The following DLG2 variants were observed in gnomAD, a reference collection of about 807,000 sequenced individuals.
DLG2 encodes the protein disks large homolog 2.
DLG2 carries 45 observed loss-of-function variants against 132.5 expected under a neutral mutation model. The observed-to-expected ratio is 0.34, with a 90% CI of 0.27 to 0.44. DLG2 has a LOEUF of 0.44. Ranked by LOEUF, DLG2 falls within the 20% of genes least tolerant of loss-of-function variation. The pLI is 1.00. For synonymous variants in DLG2, 424 were observed against 419.6 expected (o/e 1.01, Z -0.13); for missense variants, 1,045 against 1,196.9 (o/e 0.87, Z 1.87).
At chr11:85,261,772 C>A (rs2076954636) in intron 4 of DLG2, among the ~76,000 whole-genome samples, 1 of 152,080 alleles carries the variant, frequency 6.6e-6, no homozygotes. Flanking sequence ...AAAATGGGAT[C>A]ATAAGTGGCC....
At chr11:85,277,665 A>G (rs2152746969) in intron 4 of DLG2, among the ~76,000 whole-genome samples, 1 of 152,262 alleles carries the variant, frequency 6.6e-6, no homozygotes, top group Middle Eastern at 3.4e-3. Context: ...TTTTGCAAGC[A>G]GGATTTTTCT....
Position 83,462,072 on chromosome 11 carries a change from T to C in DLG2, c.2751A>G (p.Thr917=). The C allele has an allele frequency of 6.2e-7, 1 of 1,611,946 alleles. No individual in the cohort carries two copies. Among genetic ancestry groups the C allele is most frequent in the Non-Finnish European group, 8.5e-7 (1 of 1,178,018 alleles). Residue 917 remains threonine (T), a synonymous_variant, in exon 27 of 28, where the codon ACA becomes ACG. Transcript: ENST00000376104. The stretch of plus-strand genomic sequence containing the variant: ...CATAGGTTTTCTTGGCTTGTTCCTC[T>C]GTTAGACGCTTATTCATCTCCCTGG... ...EPLMEMNKRL[T]EEQAKKTYDR...
chr11:84,293,612 T>C (rs903358586), intron 7 of DLG2, among the ~76,000 whole-genome samples: 1 of 152,128 alleles, frequency 6.6e-6, no homozygotes, highest in African/African-American at 2.4e-5. Flanking sequence ...ATGCGGAGGT[T>C]GCAGTGAGCC....
At chr11:84,251,862 T>A (rs188310827) in intron 7 of DLG2, among the ~76,000 whole-genome samples, 17 of 151,836 alleles carry the variant, frequency 1.1e-4, no homozygotes, top group African/African-American at 3.9e-4. Flanking sequence ...ATGGTCTTGA[T>A]CTCCTGACCT....
chr11:84,164,713 G>A (rs2095622428), intron 8 of DLG2, among the ~76,000 whole-genome samples: 1 of 152,192 alleles, frequency 6.6e-6, no homozygotes, highest in Non-Finnish European at 1.5e-5. Context: ...ATCACCTAAA[G>A]GTGTAATTAT....
chr11:84,142,205 G>A (rs1297969500), intron 9 of DLG2, among the ~76,000 whole-genome samples: 2 of 151,708 alleles, frequency 1.3e-5, no homozygotes, highest in African/African-American at 4.8e-5. Context: ...GGGAGGCTGA[G>A]GCAGGAGAAT....
intron 6 of DLG2, among the ~76,000 whole-genome samples, chr11:84,821,347 G>C (rs921043686): frequency 2.0e-5 from 3 of 151,668 alleles, no homozygotes; most frequent in East Asian, 1.9e-4. Context: ...TAGGCTTTCT[G>C]GGCCCTATGT....
At chr11:84,491,026 T>C (rs76539597) in intron 7 of DLG2, among the ~76,000 whole-genome samples, 2,288 of 152,084 alleles carry the variant, frequency 0.015, 49 homozygotes, top group African/African-American at 0.052. Context: ...ATCTCAGAGT[T>C]AGTGGTAGAG....
In DLG2 at chr11:85,614,601, T is replaced by C. The variant is rs367918361; in HGVS notation, c.-93+11986A>G. On this transcript the variant is annotated intron_variant, in intron 2 of 27. Coordinates refer to ENST00000376104, the MANE Select transcript of DLG2 (RefSeq NM_001142699.3). ...GTTGCAGTAAGCCAAAATGGCGCCA[T>C]TGCACTCCAGCCTGGGCAACGAGAG... Among the ~76,000 whole-genome samples the C allele has an allele frequency of 9.7e-4, 147 of 152,228 alleles. 1 individual carries two copies. The highest frequency in any genetic ancestry group is 3.3e-3 in the African/African-American group (138 of 41,562).
intron 6 of DLG2, among the ~76,000 whole-genome samples, chr11:85,028,314 C>T (rs146196878): frequency 7.2e-4 from 110 of 152,162 alleles, no homozygotes; most frequent in African/African-American, 1.4e-3. Flanking sequence ...AAGAGTAGGT[C>T]GGGAAAAAGC....
chr11:84,609,023 C>T (rs950568376), intron 6 of DLG2, among the ~76,000 whole-genome samples: 1 of 152,180 alleles, frequency 6.6e-6, no homozygotes, highest in African/African-American at 2.4e-5. Flanking sequence ...GCTCCAGAAT[C>T]TCTGTTCTTG....
At chr11:84,076,371 C>A (rs2154150181) in intron 10 of DLG2, among the ~76,000 whole-genome samples, 1 of 152,326 alleles carries the variant, frequency 6.6e-6, no homozygotes, top group East Asian at 1.9e-4. Context: ...GTAATAACTT[C>A]TGTCTATCTA....
At chr11:83,847,267 C>G (rs2058812681) in intron 16 of DLG2, among the ~76,000 whole-genome samples, 1 of 152,042 alleles carries the variant, frequency 6.6e-6, no homozygotes, top group African/African-American at 2.4e-5. Flanking sequence ...TATTATGAAG[C>G]TGGGGCATTA....
chr11:85,017,442 C>T (rs2059668850), intron 6 of DLG2, among the ~76,000 whole-genome samples: 2 of 151,832 alleles, frequency 1.3e-5, no homozygotes, highest in Non-Finnish European at 2.9e-5. Context: ...TTAATGATGA[C>T]CTTCTCTCTG....
intron 3 of DLG2, among the ~76,000 whole-genome samples, chr11:85,358,993 A>G (rs1284300989): frequency 1.3e-5 from 2 of 152,136 alleles, no homozygotes; most frequent in Non-Finnish European, 2.9e-5. Context: ...TAGATTTGCC[A>G]TTTGTTAATA....
chr11:83,917,351 C>A (rs1280235379), intron 15 of DLG2, among the ~76,000 whole-genome samples: 2 of 152,200 alleles, frequency 1.3e-5, no homozygotes, highest in Non-Finnish European at 2.9e-5. Flanking sequence ...CTTGATTCTA[C>A]TTTTCAAAGT....
At chr11:85,339,988 A>T (rs967045415) in intron 3 of DLG2, among the ~76,000 whole-genome samples, 1 of 152,204 alleles carries the variant, frequency 6.6e-6, no homozygotes, top group African/African-American at 2.4e-5. Context: ...ATCAGGAAAC[A>T]ACAGATGCTG....
intron 6 of DLG2, among the ~76,000 whole-genome samples, chr11:85,091,850 C>T (rs1036911917): frequency 6.6e-6 from 1 of 152,106 alleles, no homozygotes; most frequent in African/African-American, 2.4e-5. Flanking sequence ...AGTATTGATC[C>T]TCTCAAAGTC....
At chr11:84,572,176 T>C (rs1308200398) in intron 6 of DLG2, among the ~76,000 whole-genome samples, 3 of 152,312 alleles carry the variant, frequency 2.0e-5, no homozygotes, top group South Asian at 2.1e-4. Context: ...CATTAACTTG[T>C]CATTTAGCAT....
Sources: allele counts gnomAD v4.1 joint callset (sites outside exome capture counted in the v4.1 genomes callset), GRCh38; gene constraint gnomAD v4.1.1; transcripts MANE v1.5; gene names NCBI Gene and HGNC (gene_info 2026-07-23, HGNC 2026-07-21).